Variants in TOMM34 observed in about 807,000 individuals in gnomAD.
The protein encoded by TOMM34 is translocase of outer mitochondrial membrane 34, also known as mitochondrial import receptor subunit TOM34.
A neutral mutation model predicts 37.4 loss-of-function variants in TOMM34; 24 were observed. That is an observed-to-expected ratio of 0.64 (90% CI 0.46 to 0.90). TOMM34 has a LOEUF of 0.90. TOMM34 is among the 40% of genes least tolerant of loss of function. The probability of loss-of-function intolerance (pLI) is 0.00; values close to 1 mark genes in which losing one functional copy is unlikely to be tolerated. For missense variants in TOMM34, 304 were observed against 375.6 expected (o/e 0.81, Z 1.58); for synonymous variants, 154 against 148.9 (o/e 1.03, Z -0.25).
intron 4 of TOMM34, among the ~76,000 whole-genome samples, chr20:44,951,328 A>G (rs1278692964): frequency 6.6e-6 from 1 of 152,194 alleles, no homozygotes; most frequent in Non-Finnish European, 1.5e-5. Context: ...GAAGCTTGCC[A>G]AAGACAAAGC....
chr20:44,955,689 C>T, intron 2 of TOMM34: 1 of 455,784 alleles, frequency 2.2e-6, no homozygotes, highest in Non-Finnish European at 4.4e-6. Flanking sequence ...AACCGTACCC[C>T]ACAGATTGGT....
chr20:44,958,554 C>A, intron 1 of TOMM34: 1 of 327,598 alleles, frequency 3.1e-6, no homozygotes. Flanking sequence ...ACTTCATAGA[C>A]TTGCTGGAAG....
At chr20:44,946,428 C>T (rs1414813846) in intron 5 of TOMM34, among the ~76,000 whole-genome samples, 4 of 152,160 alleles carry the variant, frequency 2.6e-5, no homozygotes, top group African/African-American at 7.2e-5. Flanking sequence ...TGGGAAATAA[C>T]ACAAGTGAGT....
At chr20:44,943,285 A>G in intron 6 of TOMM34, 72 bp from the exon 7 acceptor site, 2 of 1,601,436 alleles carry the variant, frequency 1.2e-6, no homozygotes, top group Non-Finnish European at 1.7e-6. Flanking sequence ...TGAGGCAGCA[A>G]AGTGTTTTCA....
At position 44,943,130 on chromosome 20, in the gene TOMM34, T is replaced by C; in HGVS notation, c.909A>G (p.Glu303=). 5 of 1,614,164 alleles carry C rather than the reference T, an allele frequency of 3.1e-6. No homozygotes were observed. The highest frequency in any genetic ancestry group is 4.2e-6 in the Non-Finnish European group (5 of 1,180,030). The change falls in exon 7 of 7, where the codon GAA becomes GAG. Residue 303 remains glutamate (E), a synonymous_variant. Coordinates refer to ENST00000372813, the MANE Select transcript of TOMM34 (RefSeq NM_006809.5). ...GTTTTTAGTGTAGGTTCTGCTTCAC[T>C]TCCTGCCGCAACTTCTGTGCAGGAC... ...RNGPAQKLRQ[E]VKQNLH is the part of the protein sequence containing the mutation.
intron 1 of TOMM34, 183 bp downstream of exon 1, chr20:44,960,024 A>G: frequency 1.0e-6 from 1 of 982,116 alleles, no homozygotes; most frequent in Non-Finnish European, 1.2e-6. Flanking sequence ...GGGGGCCAAC[A>G]GGGCAGTTAA....
At chr20:44,955,276 C>G in intron 2 of TOMM34, 56 bp from the exon 3 acceptor site, 1 of 1,593,284 alleles carries the variant, frequency 6.3e-7, no homozygotes, top group South Asian at 1.1e-5. Context: ...CAGGGTTTCC[C>G]TACAGTTTCT....
At position 44,955,106 on chromosome 20, in the gene TOMM34, A is replaced by G. The variant is rs143621246; in HGVS notation, c.342T>C (p.Ile114=). 1,702 of 1,614,156 alleles carry G rather than the reference A, an allele frequency of 1.1e-3. 7 individuals carry two copies. The highest frequency in any genetic ancestry group is 8.4e-4 in the Non-Finnish European group (986 of 1,180,024). Residue 114 remains isoleucine (I), a synonymous_variant, in exon 3 of 7, where the codon ATT becomes ATC. Coordinates refer to ENST00000372813, the MANE Select transcript of TOMM34 (RefSeq NM_006809.5). ...AYVDYKTVLQ[I]DDNVTSAVEG... ...CTACGGCTGACGTCACATTATCATC[A>G]ATCTGCAGCACAGTCTTATAGTCAA...
chr20:44,951,776 C>A, intron 4 of TOMM34, 57 bp downstream of exon 4: 1 of 1,559,294 alleles, frequency 6.4e-7, no homozygotes, highest in Non-Finnish European at 8.7e-7. Flanking sequence ...CAGGACTACT[C>A]TAAAGAAAAT....
At chr20:44,955,288 CCAGGCAGGG>C in intron 2 of TOMM34, 68 bp from the exon 3 acceptor site, 1 of 1,580,418 alleles carries the variant, frequency 6.3e-7, no homozygotes, top group Non-Finnish European at 8.6e-7. Context: ...ACAGTTTCTT[CCAGGCAGGG>C]TTATCTGGAG....
At chr20:44,960,066 T>C in intron 1 of TOMM34, 141 bp downstream of exon 1, 2 of 1,393,482 alleles carry the variant, frequency 1.4e-6, no homozygotes, top group Non-Finnish European at 1.9e-6. Context: ...CCGAGGAAGT[T>C]TCTGGTAGGA....
intron 5 of TOMM34, among the ~76,000 whole-genome samples, chr20:44,943,830 G>A (rs952388675): frequency 2.6e-5 from 4 of 152,152 alleles, no homozygotes; most frequent in Non-Finnish European, 5.9e-5. Context: ...ATAGGCGGGC[G>A]TTCGTTCATG....
At chr20:44,952,263 T>C (rs1184799362) in intron 3 of TOMM34, among the ~76,000 whole-genome samples, 1 of 152,240 alleles carries the variant, frequency 6.6e-6, no homozygotes, top group African/African-American at 2.4e-5. Context: ...TTGTTAAGGA[T>C]ACTTAAACCA....
chr20:44,948,770 G>T lies in TOMM34; in HGVS notation c.658C>A (p.Leu220Ile). 1.9e-6 allele frequency: 3 copies of T among 1,614,130 alleles called. No individual in the cohort carries two copies. Among genetic ancestry groups the T allele is most frequent in the Non-Finnish European group, 2.5e-6 (3 of 1,180,008 alleles). The part of the protein sequence containing the change: ...KKAIEKYSES[L>I]LCSNLESATY... Reference sequence around the variant, plus strand: ...GCAGATTCCAGGTTACTACACAAGAGGCTTTCACTGTACTTCTCAATAGCT... The same window carrying T: ...GCAGATTCCAGGTTACTACACAAGATGCTTTCACTGTACTTCTCAATAGCT... The change falls in exon 5 of 7, where the codon CTC becomes ATC. Residue 220 changes from leucine to isoleucine, a missense_variant. Coordinates refer to ENST00000372813, the MANE Select transcript of TOMM34 (RefSeq NM_006809.5).
Position 44,951,948 on chromosome 20 carries a change from G to A in TOMM34, c.435C>T (p.Pro145=). 1.2e-6 allele frequency: 2 copies of A among 1,614,086 alleles called. No homozygotes were observed. The highest frequency in any genetic ancestry group is 1.1e-5 in the South Asian group (1 of 91,078). The stretch of plus-strand genomic sequence containing the variant: ...CTGAAACAGGCACCAAGGGGATTGA[G>A]GGCAGCTTCAGGCGCCACTCAGGCC... ...SLGPEWRLKL[P]SIPLVPVSAQ... The change falls in exon 4 of 7, where the codon CCC becomes CCT. Residue 145 remains proline, a synonymous_variant. Coordinates refer to ENST00000372813, the MANE Select transcript of TOMM34 (RefSeq NM_006809.5).
rs369673094 is a variant in TOMM34 at position 44,960,377 on chromosome 20, C to T, written c.-44G>A. On this transcript the variant is annotated 5_prime_UTR_variant, in exon 1 of 7. Transcript: ENST00000372813. The stretch of plus-strand genomic sequence containing the variant: ...AGTTGGGAGCTCCTTCCTTCCTCCC[C>T]CGTGTGGTGCGGCACACCTTCCGGG... 1 of 1,499,356 alleles carries T rather than the reference C, an allele frequency of 6.7e-7. No individual in the cohort carries two copies. Among genetic ancestry groups the T allele is most frequent in the South Asian group, 1.3e-5 (1 of 77,384 alleles). 92.9% of individuals were successfully genotyped at this position (1,499,356 alleles called of 1,614,324 possible).
intron 2 of TOMM34, chr20:44,955,712 A>G (rs1357451296): frequency 4.5e-6 from 2 of 444,966 alleles, no homozygotes; most frequent in Non-Finnish European, 9.1e-6. Flanking sequence ...TGAACACTCA[A>G]AGAGGGAAAT....
Position 44,960,231 on chromosome 20 carries a change from C to A in TOMM34, c.103G>T (p.Ala35Ser). 2 of 1,561,920 alleles carry A rather than the reference C, an allele frequency of 1.3e-6. No homozygotes were observed. Among genetic ancestry groups the A allele is most frequent in the South Asian group, 1.2e-5 (1 of 85,070 alleles). ...YAEASALYGR[A>S]LRVLQAQGSS... is the part of the protein sequence containing the mutation. ...CCTTGCGCCTGCAGCACCCGCAGCGCGCGGCCGTAGAGCGCGGAGGCCTCG... is the reference window on the plus strand; with the variant it reads ...CCTTGCGCCTGCAGCACCCGCAGCGAGCGGCCGTAGAGCGCGGAGGCCTCG... Residue 35 changes from alanine (A) to serine (S), a missense_variant, in exon 1 of 7, where the codon GCG becomes TCG. Transcript: ENST00000372813.
chr20:44,955,550 TAACA>T (rs1353652764), intron 2 of TOMM34: 15 of 477,238 alleles, frequency 3.1e-5, no homozygotes, highest in Non-Finnish European at 5.8e-5. Context: ...CTAGTGGGAA[TAACA>T]AACAAGCTTT....
Sources: gnomAD v4.1 joint callset for allele counts (sites outside exome capture counted in the v4.1 genomes callset) on GRCh38, gnomAD v4.1.1 for gene constraint, MANE v1.5 for transcripts, NCBI Gene and HGNC (gene_info 2026-07-23, HGNC 2026-07-21) for gene names.